The following CLEC2A variants were observed in gnomAD, a reference collection of about 807,000 sequenced individuals.
CLEC2A encodes keratinocyte-associated C-type lectin.
In CLEC2A, 19 loss-of-function variants were observed where a neutral mutation model predicts 18.6. The ratio of observed to expected loss-of-function variants is 1.02; its 90% CI spans 0.71 to 1.50. The LOEUF (loss-of-function observed/expected upper bound fraction) is 1.50. Ranked by LOEUF, CLEC2A falls within the 40% of genes most tolerant of loss-of-function variation. The probability of loss-of-function intolerance (pLI) is 0.00; values close to 1 mark genes in which losing one functional copy is unlikely to be tolerated. For missense variants in CLEC2A, 190 were observed against 207.9 expected (o/e 0.91, Z 0.53); for synonymous variants, 74 against 64.0 (o/e 1.16, Z -0.75).
intron 1 of CLEC2A, among the ~76,000 whole-genome samples, chr12:9,930,408 T>G (rs1863355448): frequency 6.6e-6 from 1 of 152,160 alleles, no homozygotes; most frequent in African/African-American, 2.4e-5. Flanking sequence ...TTTTAATATT[T>G]GTGGTTTTTG....
chr12:9,894,570 G>A (rs1261218822), downstream of CLEC2A, among the ~76,000 whole-genome samples: 1 of 152,272 alleles, frequency 6.6e-6, no homozygotes, highest in East Asian at 1.9e-4. Context: ...TTGCATGTAA[G>A]AGTGCTTTCA....
the CLEC2A span, among the ~76,000 whole-genome samples, chr12:9,889,537 A>T: frequency 6.6e-6 from 1 of 151,438 alleles, no homozygotes; most frequent in South Asian, 2.1e-4. Flanking sequence ...TATAATATTA[A>T]TTTTTCCTGG....
At chr12:9,907,464 G>A (rs578255975) in intron 4 of CLEC2A, among the ~76,000 whole-genome samples, 65 of 152,130 alleles carry the variant, frequency 4.3e-4, no homozygotes, top group Non-Finnish European at 8.4e-4. Flanking sequence ...GCAAAGGTAA[G>A]GATCTGATTC....
chr12:9,912,394 C>T (rs377748969), downstream of CLEC2A, among the ~76,000 whole-genome samples: 6 of 152,182 alleles, frequency 3.9e-5, no homozygotes, highest in East Asian at 9.7e-4. Context: ...AAGAAAATGG[C>T]CTTTCCCCTG....
At chr12:9,912,534 T>C (rs777667251), downstream of CLEC2A, among the ~76,000 whole-genome samples, 3 of 152,132 alleles carry the variant, frequency 2.0e-5, no homozygotes, top group Non-Finnish European at 4.4e-5. Context: ...CCATGTTATG[T>C]GCCAAAATTG....
chr12:9,898,907 T>C, exon 5 of CLEC2A: 1 of 715,554 alleles, frequency 1.4e-6, no homozygotes, highest in Non-Finnish European at 2.6e-6. Context: ...CAGAGGCCTA[T>C]CTAAGGGGTC....
At chr12:9,922,386 G>C (rs979233817) in intron 2 of CLEC2A, among the ~76,000 whole-genome samples, 154 bp from the exon 3 acceptor site, 1 of 152,152 alleles carries the variant, frequency 6.6e-6, no homozygotes, top group Admixed American at 6.5e-5. Flanking sequence ...AACTTCCCCT[G>C]TCTGTAAGGA....
At chr12:9,906,034 T>TTC (rs1247664472) in intron 4 of CLEC2A, among the ~76,000 whole-genome samples, 2 of 151,572 alleles carry the variant, frequency 1.3e-5, no homozygotes, top group Admixed American at 1.3e-4. Flanking sequence ...TGTTTTTTTT[T>TTC]TTTTTACATA....
chr12:9,916,355 G>A (rs1172720928), intron 4 of CLEC2A, among the ~76,000 whole-genome samples: 1 of 152,100 alleles, frequency 6.6e-6, no homozygotes. Flanking sequence ...TTGGAAAGAA[G>A]TACAAGTAAT....
chr12:9,895,890 A>C, downstream of CLEC2A: 2 of 1,428,794 alleles, frequency 1.4e-6, no homozygotes, highest in Non-Finnish European at 1.8e-6. Flanking sequence ...GATTTTAAAG[A>C]CTTAAGATTT....
At position 9,916,777 on chromosome 12, in the gene CLEC2A, A is replaced by T; in HGVS notation, c.333T>A (p.Thr111=). ...TGCTTAGTCCAATCCAGTGCATATC[A>T]GTTCCTGCGTACCTCTTCAAAAATT... ...DMEFLKRYAG[T]DMHWIGLSRK... The change falls in exon 4 of 5, where the codon ACT becomes ACA. Residue 111 remains threonine, a synonymous_variant. Transcript: ENST00000455827. 1.3e-6 allele frequency: 2 copies of T among 1,551,238 alleles called. No homozygotes were observed. The highest frequency in any genetic ancestry group is 2.4e-5 in the South Asian group (2 of 83,986).
downstream of CLEC2A, chr12:9,895,614 T>G (rs2137007046): frequency 1.5e-6 from 2 of 1,365,098 alleles, no homozygotes; most frequent in South Asian, 1.5e-5. Context: ...TATAAAAGTT[T>G]GGCTGGAGAA....
At chr12:9,895,870 A>G, downstream of CLEC2A, 1 of 1,485,632 alleles carries the variant, frequency 6.7e-7, no homozygotes, top group Non-Finnish European at 8.9e-7. Flanking sequence ...TGCATGTTAA[A>G]GCAGAGCTAG....
chr12:9,878,266 T>C, the CLEC2A span, among the ~76,000 whole-genome samples: 1 of 152,220 alleles, frequency 6.6e-6, no homozygotes, highest in Admixed American at 6.5e-5. Context: ...ATATGAATTT[T>C]GTAAAAGATG....
chr12:9,882,729 T>A, the CLEC2A span, among the ~76,000 whole-genome samples: 1 of 152,106 alleles, frequency 6.6e-6, no homozygotes, highest in Non-Finnish European at 1.5e-5. Flanking sequence ...TGCAGTCAGC[T>A]GAGATCATGC....
chr12:9,903,147 G>A (rs979651464), intron 4 of CLEC2A, among the ~76,000 whole-genome samples: 5 of 151,666 alleles, frequency 3.3e-5, no homozygotes, highest in Admixed American at 2.6e-4. Flanking sequence ...CTTTGAAGAG[G>A]AATTTATAAT....
In CLEC2A at chr12:9,929,211, G is replaced by T. The variant is rs139040557; in HGVS notation, c.56-2868C>A. ...TATAATCAAATTATCTGAAAATATTGCAGATACAACTCTTCCATTGCAATC... is the reference window on the plus strand; with the variant it reads ...TATAATCAAATTATCTGAAAATATTTCAGATACAACTCTTCCATTGCAATC... On this transcript the variant is annotated intron_variant, in intron 1 of 4. Transcript: ENST00000455827. 5.4e-3 allele frequency among the ~76,000 whole-genome samples: 819 copies of T among 152,114 alleles called. 12 individuals carry two copies. The highest frequency in any genetic ancestry group is 0.018 in the African/African-American group (749 of 41,504).
chr12:9,893,122 C>T, the CLEC2A span: 2 of 1,535,516 alleles, frequency 1.3e-6, no homozygotes, highest in East Asian at 4.9e-5. Flanking sequence ...CGTGATTGTA[C>T]ACAGCTACAG....
At chr12:9,900,822 G>A (rs955991733) in intron 4 of CLEC2A, among the ~76,000 whole-genome samples, 19 of 152,198 alleles carry the variant, frequency 1.2e-4, no homozygotes, top group African/African-American at 4.3e-4. Context: ...TTAAAGGCAA[G>A]CTTACCCTTC....
Sources: gnomAD v4.1 joint callset for allele counts (sites outside exome capture counted in the v4.1 genomes callset) on GRCh38, gnomAD v4.1.1 for gene constraint, MANE v1.5 for transcripts, NCBI Gene and HGNC (gene_info 2026-07-23, HGNC 2026-07-21) for gene names.